The following FAR1 variants were observed in gnomAD, a reference collection of about 807,000 sequenced individuals.
FAR1 encodes the protein fatty acyl-CoA reductase 1.
A neutral mutation model predicts 61.1 loss-of-function variants in FAR1; 22 were observed. That is an observed-to-expected ratio of 0.36 (90% CI 0.26 to 0.51). The LOEUF is 0.51. FAR1 is among the 20% of genes least tolerant of loss of function. The pLI is 0.95. For missense variants in FAR1, 359 were observed against 626.9 expected (o/e 0.57, Z 4.56); for synonymous variants, 206 against 209.7 (o/e 0.98, Z 0.15).
rs529821201 is a variant in FAR1, at chr11:13,721,882, A to C, written c.1257+23A>C. ...AAGGCAAGCAAGTATTTTCTGTTTT[A>C]TATTAGAAAATAAGTAGCATACTAA... is the stretch of plus-strand genomic sequence containing the variant. On this transcript the variant is annotated intron_variant, in intron 10 of 11. Coordinates refer to ENST00000354817, the MANE Select transcript of FAR1 (RefSeq NM_032228.6). The surrounding 1 kb of genome is among the most constrained non-coding windows in gnomAD (Gnocchi z 4.2). 1.3e-6 allele frequency: 2 copies of C among 1,567,102 alleles called. No individual in the cohort carries two copies. The highest frequency in any genetic ancestry group is 3.8e-5 in the Admixed American group (2 of 53,220).
intron 3 of FAR1, among the ~76,000 whole-genome samples, chr11:13,707,056 C>T (rs544849809): frequency 1.4e-4 from 21 of 152,084 alleles, no homozygotes; most frequent in Non-Finnish European, 2.9e-4. Flanking sequence ...ACAAATGTTT[C>T]ATATTTTTAT....
rs1019649945 is a variant in FAR1, at chr11:13,729,795, A to C, written c.*1021A>C. The stretch of plus-strand genomic sequence containing the variant: ...CATTAAAAAATATACTCGTGTGTAA[A>C]CACATACTAATTTTGACCTTGAAAG... On this transcript the variant is annotated 3_prime_UTR_variant, in exon 12 of 12. Coordinates refer to ENST00000354817, the MANE Select transcript of FAR1 (RefSeq NM_032228.6). The C allele has an allele frequency of 1.6e-4, 25 of 152,134 alleles. No individual in the cohort carries two copies. Among genetic ancestry groups the C allele is most frequent in the African/African-American group, 6.0e-4 (25 of 41,454 alleles). 9.4% of individuals were successfully genotyped at this position (152,134 alleles called of 1,614,324 possible). A position where few individuals can be genotyped will look rare whatever the true frequency, so the allele number is the denominator to read the frequency against.
chr11:13,672,594 C>T (rs1848020257), intron 1 of FAR1, among the ~76,000 whole-genome samples: 2 of 151,038 alleles, frequency 1.3e-5, no homozygotes, highest in African/African-American at 4.9e-5. Flanking sequence ...TGGGGACAAG[C>T]ATTCAACTGA....
At chr11:13,722,657 A>T (rs2134200057) in intron 10 of FAR1, among the ~76,000 whole-genome samples, 1 of 151,960 alleles carries the variant, frequency 6.6e-6, no homozygotes, top group Admixed American at 6.6e-5. Context: ...TATTTTTAGT[A>T]GAGACGGGGT....
Position 13,721,875 on chromosome 11 carries a change from CTG to C in FAR1, c.1257+18_1257+19del, listed in dbSNP as rs1472523089. The C allele has an allele frequency of 1.3e-6, 2 of 1,579,502 alleles. No individual in the cohort carries two copies. The highest frequency in any genetic ancestry group is 1.7e-4 in the Middle Eastern group (1 of 5,956). ...AGATAAAAAGGCAAGCAAGTATTTT[CTG>C]TTTTATATTAGAAAATAAGTAGCAT... is the stretch of plus-strand genomic sequence containing the variant. On this transcript the variant is annotated intron_variant, in intron 10 of 11. Transcript: ENST00000354817. This position sits in a 1 kb window ranked among gnomAD's most constrained non-coding sequence, Gnocchi z 4.2.
intron 1 of FAR1, among the ~76,000 whole-genome samples, chr11:13,671,488 A>G (rs1389881944): frequency 1.3e-5 from 2 of 152,296 alleles, no homozygotes; most frequent in Non-Finnish European, 1.5e-5. Flanking sequence ...AGAGCATAAA[A>G]TATTTGATAG....
intron 3 of FAR1, among the ~76,000 whole-genome samples, chr11:13,702,735 G>A (rs561305938): frequency 1.3e-5 from 2 of 152,314 alleles, no homozygotes; most frequent in East Asian, 1.9e-4. Flanking sequence ...GCTAATGGTA[G>A]TATAGTCTTC....
intron 10 of FAR1, among the ~76,000 whole-genome samples, chr11:13,726,551 A>G (rs1848668130): frequency 6.6e-6 from 1 of 151,668 alleles, no homozygotes; most frequent in Non-Finnish European, 1.5e-5. Context: ...TTACAGTCTA[A>G]TAGTTGTTCT....
At chr11:13,700,237 G>GGT in intron 2 of FAR1, 80 bp from the exon 3 acceptor site, 1 of 1,037,326 alleles carries the variant, frequency 9.6e-7, no homozygotes, top group Non-Finnish European at 1.4e-6. Flanking sequence ...AGTCATCCTT[G>GGT]GTGGGAAAAA....
intron 1 of FAR1, among the ~76,000 whole-genome samples, chr11:13,689,125 A>G (rs905234893): frequency 2.0e-5 from 3 of 152,266 alleles, no homozygotes; most frequent in African/African-American, 7.2e-5. Context: ...GTTCTAGGCA[A>G]ACTAGGACAT....
intron 1 of FAR1, among the ~76,000 whole-genome samples, chr11:13,685,100 G>A (rs1458670992): frequency 6.6e-6 from 1 of 152,084 alleles, no homozygotes. Context: ...CGTCTTACCT[G>A]AAAATGATGT....
Position 13,717,201 on chromosome 11 carries a change from T to C in FAR1, c.1127+2521T>C, listed in dbSNP as rs370623010. Among the ~76,000 whole-genome samples, 771 of 151,784 alleles carry C rather than the reference T, an allele frequency of 5.1e-3. 10 individuals carry two copies. The highest frequency in any genetic ancestry group is 0.018 in the African/African-American group (730 of 41,446). ...CGCCCCAGATCCCTGTGGCATCAGC[T>C]GGAAGCCAGGGTTTTGTCATCTAAA... is the stretch of plus-strand genomic sequence containing the variant. On this transcript the variant is annotated intron_variant, in intron 9 of 11. Transcript: ENST00000354817.
chr11:13,692,227 G>A (rs1848257966), intron 1 of FAR1, among the ~76,000 whole-genome samples: 1 of 151,492 alleles, frequency 6.6e-6, no homozygotes, highest in African/African-American at 2.5e-5. Context: ...GATTTCATAT[G>A]TTCAGATTGG....
chr11:13,727,533 C>T, intron 10 of FAR1, 23 bp from the exon 11 acceptor site: 2 of 1,557,476 alleles, frequency 1.3e-6, no homozygotes, highest in Non-Finnish European at 1.7e-6. Flanking sequence ...AGAAAATAAT[C>T]AGTAATTTTT....
Position 13,702,920 on chromosome 11 carries a change from C to T in FAR1, c.365+2428C>T, listed in dbSNP as rs115244265. Reference sequence around the variant, plus strand: ...ACCATTAATGAAAAGGACATCTTCTCGTTATTATTTTCTTCTTTTACTAGA... The same window carrying T: ...ACCATTAATGAAAAGGACATCTTCTTGTTATTATTTTCTTCTTTTACTAGA... On this transcript the variant is annotated intron_variant, in intron 3 of 11. Transcript: ENST00000354817. Among the ~76,000 whole-genome samples the T allele has an allele frequency of 1.4e-3, 207 of 152,262 alleles. 1 individual carries two copies. The highest frequency in any genetic ancestry group is 4.7e-3 in the African/African-American group (195 of 41,568).
chr11:13,697,362 T>G (rs1311364862), intron 2 of FAR1, among the ~76,000 whole-genome samples: 1 of 151,972 alleles, frequency 6.6e-6, no homozygotes, highest in Non-Finnish European at 1.5e-5. Flanking sequence ...CTCGGGAGGC[T>G]GAGGTGGGAG....
intron 10 of FAR1, 37 bp from the exon 11 acceptor site, chr11:13,727,519 G>C (rs778709005): frequency 6.4e-7 from 1 of 1,557,420 alleles, no homozygotes; most frequent in South Asian, 1.2e-5. Context: ...AGAAAAATTA[G>C]TCAAGAAAAT....
intron 2 of FAR1, among the ~76,000 whole-genome samples, chr11:13,698,568 C>T (rs1031696806): frequency 6.6e-6 from 1 of 152,174 alleles, no homozygotes; most frequent in Non-Finnish European, 1.5e-5. Context: ...TGGTGGCTCA[C>T]GCCTATAATC....
chr11:13,675,913 TTAAAG>T (rs1283754682), intron 1 of FAR1, among the ~76,000 whole-genome samples: 2 of 152,220 alleles, frequency 1.3e-5, no homozygotes, highest in African/African-American at 4.8e-5. Context: ...GAATAAAATC[TTAAAG>T]TATATTCCCT....
Sources: gnomAD v4.1 joint callset for allele counts (sites outside exome capture counted in the v4.1 genomes callset) on GRCh38, gnomAD v4.1.1 for gene constraint, Gnocchi (gnomAD v3.1) non-coding constraint, MANE v1.5 for transcripts, NCBI Gene and HGNC (gene_info 2026-07-23, HGNC 2026-07-21) for gene names.